PAK6: variants seen among roughly 807,000 people sequenced by gnomAD.
The protein encoded by PAK6 is p21 (RAC1) activated kinase 6, also known as serine/threonine-protein kinase PAK 6.
Under a neutral mutation model 60.8 loss-of-function variants are expected in PAK6, and 33 were observed. The ratio of observed to expected loss-of-function variants is 0.54; its 90% confidence interval spans 0.41 to 0.73. The LOEUF (loss-of-function observed/expected upper bound fraction) is 0.73, where lower values mean the gene tolerates loss of function less well. Among genes scored for constraint, PAK6 ranks in the 30% least tolerant of loss-of-function variants. The probability of loss-of-function intolerance (pLI) is 0.00; values close to 1 mark genes in which losing one functional copy is unlikely to be tolerated. For synonymous variants in PAK6, 404 were observed against 378.5 expected (o/e 1.07, Z -0.78); for missense variants, 845 against 904.1 (o/e 0.93, Z 0.84).
At chr15:40,272,799 G>A in intron 6 of PAK6, 67 bp from the exon 7 acceptor site, 1 of 1,591,222 alleles carries the variant, frequency 6.3e-7, no homozygotes, top group Non-Finnish European at 8.6e-7. Context: ...ACATCTGTGA[G>A]CAGGGGCAGT....
exon 2 of PAK6, chr15:40,240,660 C>G (rs2038302782): frequency 4.4e-6 from 2 of 452,040 alleles, no homozygotes; most frequent in Non-Finnish European, 8.9e-6. Flanking sequence ...CAGGACCCCG[C>G]TGCCCAGAAG....
At chr15:40,248,379 C>T (rs945778065) in intron 2 of PAK6, among the ~76,000 whole-genome samples, 1 of 152,206 alleles carries the variant, frequency 6.6e-6, no homozygotes, top group Non-Finnish European at 1.5e-5. Context: ...CCCAAGAGTG[C>T]CTCTCTCCCA....
exon 11 of PAK6, chr15:40,276,214 A>T: frequency 1.0e-6 from 1 of 982,932 alleles, no homozygotes; most frequent in Non-Finnish European, 1.5e-6. Flanking sequence ...TGAAATGTGA[A>T]GCCCCAGCCC....
At position 40,272,577 on chromosome 15, in the gene PAK6, G is replaced by A. The variant is rs1397933993; in HGVS notation, c.1212G>A (p.Arg404=). The A allele has an allele frequency of 2.5e-6, 4 of 1,613,262 alleles. No individual in the cohort carries two copies. The South Asian group carries it at 4.4e-5, about 18-fold the overall frequency. ...TGGTGGTGGACCAGGGTGACCCCCG[G>A]CTGCTGCTGGACAGCTACGTGAAGA... The change falls in exon 6 of 11, where the codon CGG becomes CGA. Residue 404 remains arginine, a synonymous_variant. Coordinates refer to ENST00000560346, the Ensembl canonical transcript of PAK6.
Position 40,275,442 on chromosome 15 carries a change from T to A in PAK6, c.1879-485T>A, listed in dbSNP as rs567567951. On this transcript the variant is annotated intron_variant, in intron 10 of 10. Coordinates refer to ENST00000560346, the Ensembl canonical transcript of PAK6. ...CTGGGATTACAGGCACGTGCCACCA[T>A]GCTCAACTAATTTTTGTATTTTTAG... 2.0e-5 allele frequency among the ~76,000 whole-genome samples: 3 copies of A among 151,964 alleles called. No homozygotes were observed. The South Asian group carries it at 6.2e-4, about 32-fold the overall frequency.
chr15:40,273,191 C>G (rs2140993210), intron 7 of PAK6, among the ~76,000 whole-genome samples, 155 bp from the exon 8 acceptor site: 1 of 152,330 alleles, frequency 6.6e-6, no homozygotes, highest in South Asian at 2.1e-4. Context: ...GCTCAGGCCC[C>G]AGTTTTCACC....
intron 3 of PAK6, among the ~76,000 whole-genome samples, chr15:40,262,306 C>T (rs2039004613): frequency 6.6e-6 from 1 of 152,168 alleles, no homozygotes; most frequent in South Asian, 2.1e-4. Context: ...AAGTTCGAGA[C>T]CAGCCTGGCC....
exon 3 of PAK6, chr15:40,253,279 G>A (rs1445675057): frequency 2.2e-6 from 1 of 455,804 alleles, no homozygotes; most frequent in Non-Finnish European, 4.4e-6. Context: ...AGAGGCGGAA[G>A]GCGCCGGAAG....
At chr15:40,245,997 C>T (rs2038485592) in intron 2 of PAK6, 1 of 152,336 alleles carries the variant, frequency 6.6e-6, no homozygotes, top group South Asian at 2.1e-4. Context: ...TTCTGCTAGA[C>T]CTGAAACCAC....
intron 5 of PAK6, among the ~76,000 whole-genome samples, chr15:40,268,288 C>T (rs554961129): frequency 1.0e-3 from 156 of 152,338 alleles, no homozygotes; most frequent in African/African-American, 3.4e-3. Flanking sequence ...TCACTGCAGG[C>T]GCTCAGGTCA....
intron 4 of PAK6, among the ~76,000 whole-genome samples, chr15:40,265,590 G>A (rs1345484022): frequency 6.6e-6 from 1 of 152,212 alleles, no homozygotes; most frequent in Non-Finnish European, 1.5e-5. Flanking sequence ...GCTGGATGCA[G>A]CCCCATGGCA....
intron 1 of PAK6, 103 bp from the exon 2 acceptor site, chr15:40,240,496 G>A (rs928472990): frequency 2.7e-6 from 1 of 377,178 alleles, no homozygotes; most frequent in African/African-American, 2.1e-5. Flanking sequence ...ACAGTGGCAG[G>A]ACAATACCAA....
intron 2 of PAK6, chr15:40,252,013 A>C (rs1407167343): frequency 5.6e-6 from 1 of 179,450 alleles, no homozygotes; most frequent in Admixed American, 5.9e-5. Flanking sequence ...GAAAGTCCTC[A>C]GGACTCAGGA....
exon 4 of PAK6, chr15:40,264,917 G>A (rs763144851): frequency 1.2e-6 from 2 of 1,613,860 alleles, no homozygotes; most frequent in South Asian, 1.1e-5. Flanking sequence ...AGAACATCCT[G>A]GACACACTGC....
intron 10 of PAK6, 97 bp from the exon 11 acceptor site, chr15:40,275,830 C>A: frequency 8.4e-7 from 1 of 1,197,458 alleles, no homozygotes. Flanking sequence ...AAAAAACCAG[C>A]GAATTCATGA....
At chr15:40,269,620 G>A (rs973976048) in intron 5 of PAK6, among the ~76,000 whole-genome samples, 1 of 152,178 alleles carries the variant, frequency 6.6e-6, no homozygotes, top group Non-Finnish European at 1.5e-5. Flanking sequence ...ATTGATAAAA[G>A]CTCCCTCCCT....
intron 3 of PAK6, among the ~76,000 whole-genome samples, chr15:40,261,314 G>A (rs188123077): frequency 0.015 from 2,299 of 151,752 alleles, 49 homozygotes; most frequent in African/African-American, 0.054. Flanking sequence ...TGAGGCGGGT[G>A]GATCATGAAG....
chr15:40,272,572 C>T (rs544933416), exon 6 of PAK6: 1 of 1,613,254 alleles, frequency 6.2e-7, no homozygotes, highest in East Asian at 2.2e-5. Flanking sequence ...CCAGGGTGAC[C>T]CCCGGCTGCT....
At chr15:40,263,677 C>T in intron 3 of PAK6, 1 of 315,082 alleles carries the variant, frequency 3.2e-6, no homozygotes, top group South Asian at 2.6e-5. Context: ...TGCAGTGGGG[C>T]AATCTCAGCT....
Sources: gnomAD v4.1 joint callset for allele counts (sites outside exome capture counted in the v4.1 genomes callset) on GRCh38, gnomAD v4.1.1 for gene constraint, MANE v1.5 for transcripts, NCBI Gene and HGNC (gene_info 2026-07-23, HGNC 2026-07-21) for gene names.